Variants in DNAH12 observed in about 807,000 individuals in gnomAD.
DNAH12 encodes the protein dynein axonemal heavy chain 12.
DNAH12 carries 285 observed loss-of-function variants against 371.5 expected under a neutral mutation model. That is an observed-to-expected ratio of 0.77 (90% CI 0.70 to 0.85). The LOEUF (loss-of-function observed/expected upper bound fraction) is 0.85. Among genes scored for constraint, DNAH12 ranks in the 40% least tolerant of loss-of-function variants. The pLI is 0.00. For synonymous variants in DNAH12, 1,200 were observed against 1,213.0 expected (o/e 0.99, Z 0.22); for missense variants, 3,611 against 3,689.4 (o/e 0.98, Z 0.55).
the DNAH12 span, among the ~76,000 whole-genome samples, chr3:57,549,387 C>T: frequency 2.6e-5 from 4 of 151,328 alleles, no homozygotes; most frequent in East Asian, 2.0e-4. Context: ...CATGGTGGTG[C>T]GCGCCTGTAG....
intron 11 of DNAH12, among the ~76,000 whole-genome samples, chr3:57,495,982 T>TATA (rs1559720493): frequency 2.1e-5 from 3 of 142,542 alleles, no homozygotes; most frequent in South Asian, 4.2e-4. Context: ...ATCCCTGATT[T>TATA]TATATATATT....
chr3:57,322,543 A>G, intron 64 of DNAH12, 60 bp from the exon 65 acceptor site: 1 of 1,484,942 alleles, frequency 6.7e-7, no homozygotes, highest in Non-Finnish European at 9.0e-7. Flanking sequence ...CTAAAAGTGC[A>G]TATACACGTG....
In DNAH12 at chr3:57,459,790, A is replaced by G; in HGVS notation, c.2737-4T>C. On this transcript the variant is annotated splice_polypyrimidine_tract_variant and splice_region_variant and intron_variant, in intron 19 of 73. Coordinates refer to ENST00000495027, the MANE Select transcript of DNAH12 (RefSeq NM_001366028.2). The stretch of plus-strand genomic sequence containing the variant: ...GAATCAAGCGGTCCTCCCAGGCCTT[A>G]ATGAAAAGTATACTGCACTAAATTC... The G allele has an allele frequency of 6.9e-7, 1 of 1,445,282 alleles. No individual in the cohort carries two copies. The allele number at this position is 1,445,282 out of a possible 1,614,324, so 89.5% of individuals were successfully genotyped here.
chr3:57,537,688 GT>G lies in DNAH12; in HGVS notation c.170+5012del, dbSNP rs372481977. Among the ~76,000 whole-genome samples the G allele has an allele frequency of 4.9e-3, 693 of 140,532 alleles. 5 individuals carry two copies. Among genetic ancestry groups the G allele is most frequent in the Middle Eastern group, 0.015 (4 of 266 alleles). The allele number at this position is 140,532 out of a possible 152,430, so 92.2% of individuals were successfully genotyped here. On this transcript the variant is annotated intron_variant, in intron 2 of 73. Coordinates refer to ENST00000495027, the MANE Select transcript of DNAH12 (RefSeq NM_001366028.2). ...ATTTTTTAAAAAATGGTTTCTAAAA[GT>G]TTTTTTTTTTTTTTGAGACAGAGTC...
upstream of DNAH12, among the ~76,000 whole-genome samples, chr3:57,545,310 A>ATTTTTTTTAAT (rs11431996): frequency 1.4e-5 from 2 of 147,822 alleles, no homozygotes; most frequent in Non-Finnish European, 3.0e-5. Flanking sequence ...AACCCGACTA[A>ATTTTTTTTAAT]TTTTTTTTCT....
intron 5 of DNAH12, among the ~76,000 whole-genome samples, chr3:57,510,361 T>C (rs9869463): frequency 0.61 from 92,210 of 151,568 alleles, 29,177 homozygotes; most frequent in South Asian, 0.74. Context: ...TAGTTAAGGC[T>C]GGGCTGAGTG....
In DNAH12 at chr3:57,501,363, C is replaced by T. The variant is rs1379476258; in HGVS notation, c.1293G>A (p.Glu431=). 7.5e-6 allele frequency: 12 copies of T among 1,595,932 alleles called. No individual in the cohort carries two copies. The highest frequency in any genetic ancestry group is 1.0e-5 in the Non-Finnish European group (12 of 1,175,164). ...AAGTATGATCTTCTGTCTGAAAAGT[C>T]TCTATATTCTCAACTGCAGTCCCAT... ...LLDGTAVENI[E]TFQTEDHTFD... is the part of the protein sequence containing the mutation. The change falls in exon 11 of 74, where the codon GAG becomes GAA. Residue 431 remains glutamate (E), a synonymous_variant. Coordinates refer to ENST00000495027, the MANE Select transcript of DNAH12 (RefSeq NM_001366028.2).
intron 43 of DNAH12, among the ~76,000 whole-genome samples, chr3:57,402,937 T>C (rs1324670144): frequency 6.6e-6 from 1 of 152,220 alleles, no homozygotes; most frequent in African/African-American, 2.4e-5. Flanking sequence ...CTCATAAATA[T>C]GTACAAATAT....
chr3:57,358,589 A>C (rs2062851692), intron 58 of DNAH12, among the ~76,000 whole-genome samples: 1 of 152,204 alleles, frequency 6.6e-6, no homozygotes, highest in African/African-American at 2.4e-5. Flanking sequence ...CAAATGAACT[A>C]AAAATAAGTT....
chr3:57,529,265 G>A (rs2068759222), intron 2 of DNAH12, among the ~76,000 whole-genome samples: 1 of 152,082 alleles, frequency 6.6e-6, no homozygotes, highest in Admixed American at 6.5e-5. Context: ...AATGAGTTTG[G>A]AAGTATTCCC....
intron 70 of DNAH12, 137 bp downstream of exon 70, chr3:57,301,598 C>T: frequency 1.0e-6 from 1 of 973,918 alleles, no homozygotes; most frequent in Non-Finnish European, 1.5e-6. Flanking sequence ...CCACAGCCAA[C>T]AACTAATATC....
chr3:57,301,368 C>T (rs2061343161), intron 70 of DNAH12, among the ~76,000 whole-genome samples: 2 of 147,366 alleles, frequency 1.4e-5, no homozygotes, highest in Admixed American at 6.8e-5. Context: ...AAACTGTGGT[C>T]TTACAGGACC....
chr3:57,466,756 A>AT (rs1270120405), intron 17 of DNAH12, among the ~76,000 whole-genome samples: 4 of 150,768 alleles, frequency 2.7e-5, no homozygotes, highest in African/African-American at 7.3e-5. Flanking sequence ...TTATGCCCTT[A>AT]TTTTTTTTTG....
intron 4 of DNAH12, among the ~76,000 whole-genome samples, chr3:57,521,490 C>T (rs1018779735): frequency 2.0e-5 from 3 of 151,974 alleles, no homozygotes; most frequent in East Asian, 3.9e-4. Flanking sequence ...AAGAGAGACC[C>T]CTGTCTCTAA....
chr3:57,497,321 C>T (rs1325832264), intron 11 of DNAH12, among the ~76,000 whole-genome samples: 1 of 152,146 alleles, frequency 6.6e-6, no homozygotes, highest in Non-Finnish European at 1.5e-5. Context: ...GGAGAACTTG[C>T]ACTACTTGAT....
intron 11 of DNAH12, among the ~76,000 whole-genome samples, chr3:57,494,106 G>T (rs139631162): frequency 3.3e-4 from 51 of 152,258 alleles, no homozygotes; most frequent in African/African-American, 1.2e-3. Flanking sequence ...GATGGCACAC[G>T]CCTGTTGTTC....
At chr3:57,403,179 C>G in intron 43 of DNAH12, 130 bp downstream of exon 43, 1 of 918,384 alleles carries the variant, frequency 1.1e-6, no homozygotes, top group Non-Finnish European at 1.6e-6. Context: ...ACAGTAGATG[C>G]TCTATGGACA....
rs2062988203 is a variant in DNAH12 at position 57,363,720 on chromosome 3, T to C, written c.9234A>G (p.Lys3078=). The change falls in exon 58 of 74, where the codon AAA becomes AAG. Residue 3078 remains lysine (K), a synonymous_variant. Transcript: ENST00000495027. The part of the protein sequence containing the change: ...LQSAANKKQL[K]DIEKKILETL... The stretch of plus-strand genomic sequence containing the variant: ...TTTCTAAAATTTTTTTCTCTATGTC[T>C]TTCAGCTGTTTCTTGTTAGCTGCAG... 1 of 152,178 alleles carries C rather than the reference T, an allele frequency of 6.6e-6. No individual in the cohort carries two copies. The highest frequency in any genetic ancestry group is 6.6e-5 in the Admixed American group (1 of 15,258). The allele number at this position is 152,178 out of a possible 1,614,324, so 9.4% of individuals were successfully genotyped here. A position where few individuals can be genotyped will look rare whatever the true frequency, so the allele number is the denominator to read the frequency against.
chr3:57,415,340 T>A, intron 38 of DNAH12, 86 bp downstream of exon 38: 2 of 1,461,630 alleles, frequency 1.4e-6, no homozygotes, highest in Non-Finnish European at 1.8e-6. Context: ...ATTTACACAG[T>A]TGCTTATTTA....
Sources: allele counts gnomAD v4.1 joint callset (sites outside exome capture counted in the v4.1 genomes callset), GRCh38; gene constraint gnomAD v4.1.1; transcripts MANE v1.5; gene names NCBI Gene and HGNC (gene_info 2026-07-23, HGNC 2026-07-21).